HNRNPUL1: variants seen among roughly 807,000 people sequenced by gnomAD.
The protein encoded by HNRNPUL1 is heterogeneous nuclear ribonucleoprotein U like 1, also known as heterogeneous nuclear ribonucleoprotein U-like protein 1.
HNRNPUL1 carries 14 observed loss-of-function variants against 108.5 expected under a neutral mutation model. That is an observed-to-expected ratio of 0.13 (90% CI 0.09 to 0.20). The LOEUF (loss-of-function observed/expected upper bound fraction) is 0.20, where lower values mean the gene tolerates loss of function less well. Among genes scored for constraint, HNRNPUL1 ranks in the 10% least tolerant of loss-of-function variants. The probability of loss-of-function intolerance (pLI) is 1.00; values close to 1 mark genes in which losing one functional copy is unlikely to be tolerated. For missense variants in HNRNPUL1, 804 were observed against 1,168.3 expected, an observed-to-expected ratio of 0.69 and a Z score of 4.55; for synonymous variants, 422 against 445.2, an observed-to-expected ratio of 0.95 and a Z score of 0.66.
In HNRNPUL1 at chr19:41,306,560, C is replaced by T. The variant is rs754476151; in HGVS notation, c.2566C>T (p.Gln856Ter). 6 of 1,560,852 alleles carry T rather than the reference C, an allele frequency of 3.8e-6. No individual in the cohort carries two copies. The East Asian group carries it at 1.2e-4, about 31-fold the overall frequency. The change falls in exon 15 of 15, where the codon CAG (glutamine) becomes TAG (stop). Residue 856 changes from glutamine (Q) to a stop codon, truncating the protein, a stop_gained. Transcript: ENST00000392006. LOFTEE classifies it high-confidence loss of function. ...SGNTQGGTST[Q>*] Reference sequence around the variant, plus strand: ...GAACACACAGGGTGGCACAAGTACACAGTAGCCAGTGTGACCCAGAGGCTC... The same window carrying T: ...GAACACACAGGGTGGCACAAGTACATAGTAGCCAGTGTGACCCAGAGGCTC...
At chr19:41,297,084 A>C (rs2036935539) in intron 10 of HNRNPUL1, among the ~76,000 whole-genome samples, 1 of 152,242 alleles carries the variant, frequency 6.6e-6, no homozygotes, top group East Asian at 1.9e-4. Flanking sequence ...ACATTCTGTG[A>C]TAACCTGAGT....
In HNRNPUL1 at chr19:41,294,358, G is replaced by T. The variant is rs749974827; in HGVS notation, c.1287G>T (p.Leu429=). 7 of 1,614,104 alleles carry T rather than the reference G, an allele frequency of 4.3e-6. No individual in the cohort carries two copies. The highest frequency in any genetic ancestry group is 5.1e-6 in the Non-Finnish European group (6 of 1,180,024). Residue 429 remains leucine (L), a synonymous_variant, in exon 9 of 15, where the codon CTG becomes CTT. Transcript: ENST00000392006. This position sits in a 1 kb window ranked among gnomAD's most constrained non-coding sequence, Gnocchi z 4.3. ...TGTAGATTCTGATGATGGTGGGCCT[G>T]CCTGCTGCTGGCAAGACCACATGGG... ...AECEILMMVG[L]PAAGKTTWAI...
At position 41,291,992 on chromosome 19, in the gene HNRNPUL1, AAC is replaced by A. The variant is rs1555742861; in HGVS notation, c.1000-251_1000-250del. 8.8e-3 allele frequency: 3,572 copies of A among 408,054 alleles called. 41 individuals are homozygous for A. The highest frequency in any genetic ancestry group is 0.013 in the East Asian group (268 of 20,146). The allele number at this position is 408,054 out of a possible 1,614,324, so 25.3% of individuals were successfully genotyped here. ...GAGACCCTGTCTCAAAAAAAAAAAA[AAC>A]AAAAAAAAAAAACTCTTGCTTACTT... On this transcript the variant is annotated intron_variant, in intron 7 of 14. Transcript: ENST00000392006.
intron 14 of HNRNPUL1, 27 bp from the exon 15 acceptor site, chr19:41,306,422 C>T (rs1284525985): frequency 6.6e-7 from 1 of 1,511,014 alleles, no homozygotes; most frequent in East Asian, 2.4e-5. Context: ...TGCAGGACAA[C>T]TTGGTGTTCT....
Position 41,294,458 on chromosome 19 carries a change from C to T in HNRNPUL1, c.1387C>T (p.Arg463Trp), listed in dbSNP as rs866591872. ...LGTNAIMDKMRVMGLRRQRNY... is the reference protein window; with the variant it reads ...LGTNAIMDKMWVMGLRRQRNY... ...TACCAATGCCATCATGGATAAGATG[C>T]GGGTAAGGCCAGCCACTGGACTCTC... Residue 463 changes from arginine (R) to tryptophan (W), a missense_variant and splice_region_variant, in exon 9 of 15, where the codon CGG becomes TGG. This residue lies in a region of HNRNPUL1 where 80 missense variants were observed against 221.8 expected (regional missense o/e 0.36). Coordinates refer to ENST00000392006, the MANE Select transcript of HNRNPUL1 (RefSeq NM_007040.6). The surrounding 1 kb of genome is among the most constrained non-coding windows in gnomAD (Gnocchi z 4.3). The T allele has an allele frequency of 2.5e-6, 4 of 1,614,148 alleles. No homozygotes were observed. Among genetic ancestry groups the T allele is most frequent in the East Asian group, 2.2e-5 (1 of 44,882 alleles).
upstream of HNRNPUL1, chr19:41,264,303 C>G (rs1023470640): frequency 2.3e-6 from 1 of 434,520 alleles, no homozygotes; most frequent in African/African-American, 2.0e-5. Context: ...TTGCCCCACG[C>G]ACTGACCAAT....
chr19:41,264,922 C>A, intron 1 of HNRNPUL1, 124 bp downstream of exon 1: 1 of 1,336,552 alleles, frequency 7.5e-7, no homozygotes, highest in Middle Eastern at 2.8e-4. Flanking sequence ...TCCCGCTACC[C>A]GCCGCCGAAA....
rs1315763623 is a variant in HNRNPUL1, at chr19:41,305,812, C to T, written c.2399C>T (p.Pro800Leu). 5 of 1,610,304 alleles carry T rather than the reference C, an allele frequency of 3.1e-6. No homozygotes were observed. The highest frequency in any genetic ancestry group is 2.2e-5 in the South Asian group (2 of 90,984). The part of the protein sequence containing the change: ...GGYNPAPYTP[P>L]PPPTAQTYPQ... ...TACAACCCGGCCCCCTATACCCCAC[C>T]GCCACCCCCCACTGCACAGACCTAC... Residue 800 changes from proline to leucine, a missense_variant, in exon 14 of 15, where the codon CCG becomes CTG. Pro to Leu is a moderately conservative substitution (Grantham distance 98). Coordinates refer to ENST00000392006, the MANE Select transcript of HNRNPUL1 (RefSeq NM_007040.6).
intron 11 of HNRNPUL1, among the ~76,000 whole-genome samples, chr19:41,302,212 C>CTTT (rs1568459025): frequency 3.8e-5 from 4 of 104,518 alleles, no homozygotes; most frequent in Admixed American, 1.9e-4. Context: ...CTCTCTCTCT[C>CTTT]TGTTTTTTTT....
intron 7 of HNRNPUL1, among the ~76,000 whole-genome samples, chr19:41,283,454 T>G (rs12974205): frequency 6.6e-6 from 1 of 151,926 alleles, no homozygotes; most frequent in Non-Finnish European, 1.5e-5. Flanking sequence ...CTAATTATTG[T>G]TTTTTGTTTG....
In HNRNPUL1 at chr19:41,268,062, C is replaced by G. The variant is rs866910718; in HGVS notation, c.296-161C>G. ...GGGGCAAGCTTGTCTTCAGCTGTATCCCAGGCTCTGGAGTATAGTATGCAT... is the reference window on the plus strand; with the variant it reads ...GGGGCAAGCTTGTCTTCAGCTGTATGCCAGGCTCTGGAGTATAGTATGCAT... On this transcript the variant is annotated intron_variant, in intron 1 of 14. Coordinates refer to ENST00000392006, the MANE Select transcript of HNRNPUL1 (RefSeq NM_007040.6). 34 of 602,206 alleles carry G rather than the reference C, an allele frequency of 5.6e-5. 5 individuals carry two copies. The Middle Eastern group carries it at 6.5e-3, about 116-fold the overall frequency. The allele number at this position is 602,206 out of a possible 1,614,324, so 37.3% of individuals were successfully genotyped here.
In HNRNPUL1 at chr19:41,264,951, C is replaced by T. The variant is rs2034720268; in HGVS notation, c.295+153C>T. ...GCCGAAAAGGATCTGGGGACCAGGG[C>T]CCCAGCACGACCGGAGGGTGGATCC... On this transcript the variant is annotated intron_variant, in intron 1 of 14. Transcript: ENST00000392006. 3 of 1,340,134 alleles carry T rather than the reference C, an allele frequency of 2.2e-6. No individual in the cohort carries two copies. The South Asian group carries it at 6.0e-5, about 27-fold the overall frequency. 83.0% of individuals were successfully genotyped at this position (1,340,134 alleles called of 1,614,324 possible). A position where few individuals can be genotyped will look rare whatever the true frequency, so the allele number is the denominator to read the frequency against.
chr19:41,275,035 G>A (rs192536435), intron 4 of HNRNPUL1, among the ~76,000 whole-genome samples: 2 of 152,120 alleles, frequency 1.3e-5, no homozygotes, highest in African/African-American at 4.8e-5. Flanking sequence ...TCTTGGAGGC[G>A]TGACTGGCTC....
intron 10 of HNRNPUL1, among the ~76,000 whole-genome samples, chr19:41,295,800 T>C (rs992506227): frequency 6.6e-6 from 1 of 152,212 alleles, no homozygotes; most frequent in South Asian, 2.1e-4. Context: ...GGTAGTTTGC[T>C]TGTTAGAAAG....
In HNRNPUL1 at chr19:41,292,266, G is replaced by A. The variant is rs142989078; in HGVS notation, c.1021G>A (p.Val341Met). The change falls in exon 8 of 15, where the codon GTG (valine) becomes ATG (methionine). Residue 341 changes from valine to methionine, a missense_variant. Val to Met is a conservative substitution (Grantham distance 21). Transcript: ENST00000392006. The surrounding 1 kb of genome is among the most constrained non-coding windows in gnomAD (Gnocchi z 4.1). ...CTAGGATTTTGAATGTGGAAATGAC[G>A]TGGAACTGTCTTTTACCAAGAATGG... ...CFADFECGNDVELSFTKNGKW... is the reference protein window; with the variant it reads ...CFADFECGNDMELSFTKNGKW... The A allele has an allele frequency of 1.9e-6, 3 of 1,614,048 alleles. No homozygotes were observed. Among genetic ancestry groups the A allele is most frequent in the African/African-American group, 1.3e-5 (1 of 74,928 alleles).
rs770370851 is a variant in HNRNPUL1, at chr19:41,264,585, G to A, written c.82G>A (p.Glu28Lys). 1 of 1,571,710 alleles carries A rather than the reference G, an allele frequency of 6.4e-7. No homozygotes were observed. Among genetic ancestry groups the A allele is most frequent in the South Asian group, 1.1e-5 (1 of 87,388 alleles). ...CCTGGACACTCGAGGCCTCAAGGCCGAGCTTGCTGAGCGGCTGCAGGCGGC... is the reference window on the plus strand; with the variant it reads ...CCTGGACACTCGAGGCCTCAAGGCCAAGCTTGCTGAGCGGCTGCAGGCGGC... ...RGLDTRGLKAELAERLQAALE... is the reference protein window; with the variant it reads ...RGLDTRGLKAKLAERLQAALE... The change falls in exon 1 of 15, where the codon GAG becomes AAG. Residue 28 changes from glutamate to lysine, a missense_variant. Coordinates refer to ENST00000392006, the MANE Select transcript of HNRNPUL1 (RefSeq NM_007040.6).
At position 41,305,882 on chromosome 19, in the gene HNRNPUL1, G is replaced by A; in HGVS notation, c.2454+15G>A. 1 of 1,537,194 alleles carries A rather than the reference G, an allele frequency of 6.5e-7. No homozygotes were observed. The highest frequency in any genetic ancestry group is 8.9e-7 in the Non-Finnish European group (1 of 1,120,364). On this transcript the variant is annotated intron_variant, in intron 14 of 14. Transcript: ENST00000392006. ...AGTATCAGCAGGTAGGTGCCAGACT[G>A]GGGGCCAACTGGATGGAGAGACTTC...
intron 1 of HNRNPUL1, chr19:41,265,168 G>T (rs747117453): frequency 9.6e-6 from 14 of 1,454,604 alleles, no homozygotes; most frequent in Non-Finnish European, 1.3e-5. Context: ...GGATCCTAGG[G>T]TACGGAGCTC....
chr19:41,264,757 C>T lies in HNRNPUL1; in HGVS notation c.254C>T (p.Pro85Leu), dbSNP rs535084657. ...CAGCCACCGCCGCCCGGGCTGCAGC[C>T]GCACGCGGAGCCCGGCGGCTACTCG... ...TAQPPPPGLQPHAEPGGYSGP... is the reference protein window; with the variant it reads ...TAQPPPPGLQLHAEPGGYSGP... Residue 85 changes from proline (P) to leucine (L), a missense_variant, in exon 1 of 15, where the codon CCG becomes CTG. Transcript: ENST00000392006. The T allele has an allele frequency of 4.3e-5, 60 of 1,382,082 alleles. No individual in the cohort carries two copies. In the African/African-American group the frequency reaches 8.3e-4, roughly 19 times the overall value. 85.6% of individuals were successfully genotyped at this position (1,382,082 alleles called of 1,614,324 possible).
Sources: allele counts gnomAD v4.1 joint callset (sites outside exome capture counted in the v4.1 genomes callset), GRCh38; gene constraint gnomAD v4.1.1; regional missense constraint gnomAD v4.1.1; non-coding constraint Gnocchi (gnomAD v3.1); transcripts MANE v1.5; gene names NCBI Gene and HGNC (gene_info 2026-07-23, HGNC 2026-07-21).